The following RAB19 variants were observed in gnomAD, a reference collection of about 807,000 sequenced individuals.
RAB19 encodes RAB19, member RAS oncogene family, also known as ras-related protein Rab-19.
Under a neutral mutation model 17.3 loss-of-function variants are expected in RAB19, and 21 were observed. That is an observed-to-expected ratio of 1.21 (90% CI 0.86 to 1.74). The LOEUF (loss-of-function observed/expected upper bound fraction) is 1.74. RAB19 is among the 40% of genes most tolerant of loss of function. RAB19 has a pLI of 0.00. For synonymous variants in RAB19, 126 were observed against 110.4 expected, an observed-to-expected ratio of 1.14 and a Z score of -0.88; for missense variants, 277 against 286.8, an observed-to-expected ratio of 0.97 and a Z score of 0.25.
intron 2 of RAB19, chr7:140,410,980 CGG>C (rs1799348917): frequency 7.3e-7 from 1 of 1,367,644 alleles, no homozygotes; most frequent in Non-Finnish European, 9.8e-7. Flanking sequence ...CAGAACAGTT[CGG>C]CCAGTATTAT....
chr7:140,411,160 G>A lies in RAB19; in HGVS notation c.202-714G>A, dbSNP rs182295002. ...CACGCCTGTAATCTCAGCACTTTGGGAGGCCGAGGCCAGCAGATCACAAGG... is the reference window on the plus strand; with the variant it reads ...CACGCCTGTAATCTCAGCACTTTGGAAGGCCGAGGCCAGCAGATCACAAGG... On this transcript the variant is annotated intron_variant, in intron 2 of 3. Transcript: ENST00000537763. The A allele has an allele frequency of 2.4e-3, 3,191 of 1,331,346 alleles. 65 individuals are homozygous for A. The African/African-American group carries it at 0.041, about 17-fold the overall frequency. The allele number at this position is 1,331,346 out of a possible 1,614,324, so 82.5% of individuals were successfully genotyped here. A position where few individuals can be genotyped will look rare whatever the true frequency, so the allele number is the denominator to read the frequency against.
At chr7:140,424,396 A>G (rs890947797) in intron 3 of RAB19, among the ~76,000 whole-genome samples, 9 of 151,828 alleles carry the variant, frequency 5.9e-5, no homozygotes, top group African/African-American at 2.2e-4. Context: ...ACCTCAGGTT[A>G]TCCACCCACC....
At position 140,426,310 on chromosome 7, in the gene RAB19, A is replaced by G; in HGVS notation, c.*160A>G. The G allele has an allele frequency of 1.3e-6, 1 of 754,400 alleles. No individual in the cohort carries two copies. The highest frequency in any genetic ancestry group is 2.0e-5 in the South Asian group (1 of 50,884). 46.7% of individuals were successfully genotyped at this position (754,400 alleles called of 1,614,324 possible). ...CTGGATGGGCCACACTTCTCCCTTG[A>G]CTCACACCACAGGTCATAGCTGCTG... On this transcript the variant is annotated 3_prime_UTR_variant, in exon 4 of 4. Coordinates refer to ENST00000537763, the MANE Select transcript of RAB19 (RefSeq NM_001008749.3).
intron 3 of RAB19, among the ~76,000 whole-genome samples, chr7:140,413,246 T>C (rs1267320844): frequency 6.6e-6 from 1 of 152,236 alleles, no homozygotes; most frequent in Non-Finnish European, 1.5e-5. Flanking sequence ...TCTATGTGTC[T>C]GTTTTTATCA....
chr7:140,412,911 G>A lies in RAB19; in HGVS notation c.385+854G>A, dbSNP rs145295584. Among the ~76,000 whole-genome samples, 801 of 151,208 alleles carry A rather than the reference G, an allele frequency of 5.3e-3. 1 individual carries two copies. The highest frequency in any genetic ancestry group is 0.014 in the Middle Eastern group (4 of 294). ...AGGGCGAGGCAGGTAAATTGCTTGA[G>A]CCCAGGGTTTCAAGACCAGCCTAAG... On this transcript the variant is annotated intron_variant, in intron 3 of 3. Coordinates refer to ENST00000537763, the MANE Select transcript of RAB19 (RefSeq NM_001008749.3).
At chr7:140,408,360 T>C (rs920154854) in intron 2 of RAB19, among the ~76,000 whole-genome samples, 3 of 151,842 alleles carry the variant, frequency 2.0e-5, no homozygotes, top group African/African-American at 7.3e-5. Flanking sequence ...CAGAAGCCAA[T>C]AAGGAAAATA....
intron 3 of RAB19, among the ~76,000 whole-genome samples, chr7:140,412,449 C>T (rs1563071295): frequency 6.6e-6 from 1 of 151,122 alleles, no homozygotes; most frequent in Non-Finnish European, 1.5e-5. Flanking sequence ...AACACTCCGT[C>T]GGGGGGAAAA....
At chr7:140,411,005 T>C (rs376397060) in intron 2 of RAB19, 53 of 1,367,736 alleles carry the variant, frequency 3.9e-5, no homozygotes, top group Non-Finnish European at 4.8e-5. Context: ...CCTTTGCCAG[T>C]ATTCAGATCC....
chr7:140,414,747 C>G (rs10274134), intron 3 of RAB19, among the ~76,000 whole-genome samples: 18,053 of 152,168 alleles, frequency 0.12, 1,456 homozygotes, highest in African/African-American at 0.23. Flanking sequence ...GCCTCATACA[C>G]GTGCTTCTTT....
At chr7:140,407,478 A>G in intron 1 of RAB19, 146 bp from the exon 2 acceptor site, 1 of 611,372 alleles carries the variant, frequency 1.6e-6, no homozygotes, top group Non-Finnish European at 2.9e-6. Flanking sequence ...ATGTCAGCTT[A>G]TGGGGACAAC....
Position 140,425,972 on chromosome 7 carries a change from A to T in RAB19, c.476A>T (p.Glu159Val), listed in dbSNP as rs1799659688. Reference protein sequence around the residue: ...AEKYGLLAVLETSAKESKNIE... With the variant: ...AEKYGLLAVLVTSAKESKNIE... ...AAGTACGGCCTCCTGGCCGTTTTGG[A>T]GACATCTGCCAAGGAGTCAAAGAAC... is the stretch of plus-strand genomic sequence containing the variant. The change falls in exon 4 of 4, where the codon GAG becomes GTG. Residue 159 changes from glutamate (E) to valine (V), a missense_variant. Glu to Val is a moderately radical substitution (Grantham distance 121). Transcript: ENST00000537763. The T allele has an allele frequency of 6.2e-7, 1 of 1,614,088 alleles. No homozygotes were observed. The highest frequency in any genetic ancestry group is 8.5e-7 in the Non-Finnish European group (1 of 1,180,020).
rs80215065 is a variant in RAB19 at position 140,408,442 on chromosome 7, G to T, written c.201+595G>T. Reference sequence around the variant, plus strand: ...ATATAAAGGTCAAATTTGCTTTTTTGGGGGGGTGGGGGAGTGTAGACAGGG... The same window carrying T: ...ATATAAAGGTCAAATTTGCTTTTTTTGGGGGGTGGGGGAGTGTAGACAGGG... On this transcript the variant is annotated intron_variant, in intron 2 of 3. Transcript: ENST00000537763. 4.2e-3 allele frequency among the ~76,000 whole-genome samples: 643 copies of T among 151,672 alleles called. 6 individuals are homozygous for T. The highest frequency in any genetic ancestry group is 0.014 in the African/African-American group (596 of 41,344).
At chr7:140,405,186 GAGAC>G (rs1799213426) in intron 1 of RAB19, among the ~76,000 whole-genome samples, 1 of 149,710 alleles carries the variant, frequency 6.7e-6, no homozygotes, top group African/African-American at 2.5e-5. Flanking sequence ...GGAGGGAAGA[GAGAC>G]AGAGGTTTTT....
chr7:140,418,302 A>G (rs963471559), intron 3 of RAB19, among the ~76,000 whole-genome samples: 3 of 150,458 alleles, frequency 2.0e-5, no homozygotes, highest in African/African-American at 7.4e-5. Context: ...CTGTAGTCCT[A>G]GCACTTTGGG....
intron 3 of RAB19, among the ~76,000 whole-genome samples, chr7:140,414,164 C>T (rs949585650): frequency 1.3e-5 from 2 of 152,154 alleles, no homozygotes; most frequent in Non-Finnish European, 2.9e-5. Flanking sequence ...CCTGCCTCAG[C>T]CTCCCAAGTA....
chr7:140,420,115 T>C (rs1799530168), intron 3 of RAB19, among the ~76,000 whole-genome samples: 1 of 151,620 alleles, frequency 6.6e-6, no homozygotes, highest in African/African-American at 2.4e-5. Flanking sequence ...GAAACAGCTG[T>C]GAGGGATAAA....
chr7:140,406,164 A>G (rs1323944934), intron 1 of RAB19, among the ~76,000 whole-genome samples: 1 of 147,464 alleles, frequency 6.8e-6, no homozygotes, highest in African/African-American at 2.5e-5. Context: ...AATCGCTTGA[A>G]CCCAGGAGGC....
At chr7:140,421,676 G>A (rs867054028) in intron 3 of RAB19, among the ~76,000 whole-genome samples, 1 of 151,876 alleles carries the variant, frequency 6.6e-6, no homozygotes, top group Non-Finnish European at 1.5e-5. Context: ...TTTTTATTAT[G>A]TTTTGTAGAG....
chr7:140,410,646 A>G (rs758939101), intron 2 of RAB19, among the ~76,000 whole-genome samples: 1 of 151,520 alleles, frequency 6.6e-6, no homozygotes, highest in Non-Finnish European at 1.5e-5. Flanking sequence ...TTTCGTACAG[A>G]TGGGGTTTCA....
Sources: allele counts gnomAD v4.1 joint callset (sites outside exome capture counted in the v4.1 genomes callset), GRCh38; gene constraint gnomAD v4.1.1; transcripts MANE v1.5; gene names NCBI Gene and HGNC (gene_info 2026-07-23, HGNC 2026-07-21).